The following KIF5C variants were observed in gnomAD, a reference collection of about 807,000 sequenced individuals.
KIF5C encodes the protein kinesin heavy chain isoform 5C.
In KIF5C, 18 loss-of-function variants were observed where a neutral mutation model predicts 125.2. That is an observed-to-expected ratio of 0.14 (90% CI 0.10 to 0.21). The LOEUF (loss-of-function observed/expected upper bound fraction) is 0.21. Ranked by LOEUF, KIF5C falls within the 10% of genes least tolerant of loss-of-function variation. The probability of loss-of-function intolerance (pLI) is 1.00; values close to 1 mark genes in which losing one functional copy is unlikely to be tolerated. For synonymous variants in KIF5C, 405 were observed against 434.0 expected (o/e 0.93, Z 0.83); for missense variants, 780 against 1,183.8 (o/e 0.66, Z 5.01).
chr2:148,934,403 C>G (rs984991034), intron 3 of KIF5C, among the ~76,000 whole-genome samples: 2 of 151,258 alleles, frequency 1.3e-5, no homozygotes, highest in African/African-American at 4.9e-5. Context: ...CATACACACA[C>G]AGACATACCA....
intron 11 of KIF5C, among the ~76,000 whole-genome samples, chr2:148,966,364 A>G (rs563058147): frequency 6.8e-5 from 10 of 147,616 alleles, no homozygotes; most frequent in South Asian, 2.1e-4. Flanking sequence ...GCGCGCGCGC[A>G]CACACACACA....
chr2:148,901,505 T>C (rs1435217549), intron 1 of KIF5C, among the ~76,000 whole-genome samples: 2 of 152,226 alleles, frequency 1.3e-5, no homozygotes, highest in African/African-American at 4.8e-5. Flanking sequence ...TACTTTTTGG[T>C]ATTTGAACTA....
chr2:149,015,563 A>T (rs1265127703), intron 25 of KIF5C, among the ~76,000 whole-genome samples: 1 of 152,228 alleles, frequency 6.6e-6, no homozygotes, highest in Non-Finnish European at 1.5e-5. Flanking sequence ...AATTATAGCC[A>T]TAATGAGTAT....
intron 19 of KIF5C, among the ~76,000 whole-genome samples, chr2:148,999,295 G>A (rs933690312): frequency 3.1e-5 from 4 of 130,644 alleles, no homozygotes; most frequent in Admixed American, 1.0e-4. Flanking sequence ...CCCGCTTTCT[G>A]TAGATGAAGA....
At position 148,875,575 on chromosome 2, in the gene KIF5C, G is replaced by GCCCCCCCCCCCACCCCCC; in HGVS notation, c.-37_-36insCCCCCACCCCCCCCCCCC. On this transcript the variant is annotated 5_prime_UTR_variant, in exon 1 of 26. Transcript: ENST00000435030. Reference sequence around the variant, plus strand: ...TCCTCCCTCGTCGTTCCCGGCCCCGGCCCCCCACCCATCCCCGTGCCCCCT... The same window carrying GCCCCCCCCCCCACCCCCC: ...TCCTCCCTCGTCGTTCCCGGCCCCGGCCCCCCCCCCCACCCCCCCCCCCCACCCATCCCCGTGCCCCCT... The GCCCCCCCCCCCACCCCCC allele has an allele frequency of 1.4e-6, 1 of 699,606 alleles. No individual in the cohort carries two copies. The highest frequency in any genetic ancestry group is 2.6e-6 in the Non-Finnish European group (1 of 389,230). 43.3% of individuals were successfully genotyped at this position (699,606 alleles called of 1,614,324 possible).
chr2:148,930,210 G>A (rs545208985), intron 3 of KIF5C, among the ~76,000 whole-genome samples: 51 of 152,264 alleles, frequency 3.3e-4, no homozygotes, highest in Admixed American at 9.8e-4. Context: ...GCTCCCTGAA[G>A]GCACTTCAGG....
intron 11 of KIF5C, 130 bp from the exon 12 acceptor site, chr2:148,973,206 A>G (rs1313599616): frequency 7.7e-7 from 1 of 1,304,960 alleles, no homozygotes; most frequent in African/African-American, 1.5e-5. Context: ...CACAAACTCT[A>G]CCCACACTAC....
intron 10 of KIF5C, among the ~76,000 whole-genome samples, chr2:148,960,419 A>G (rs908379546): frequency 6.6e-6 from 1 of 152,230 alleles, no homozygotes; most frequent in Non-Finnish European, 1.5e-5. Context: ...TTGTGCTTGC[A>G]TCTGAGAAGC....
chr2:148,879,544 G>A (rs1045769196), intron 1 of KIF5C: 5 of 147,024 alleles, frequency 3.4e-5, no homozygotes, highest in African/African-American at 5.0e-5. Flanking sequence ...TGAACTAGAA[G>A]TAGAGGGTGG....
intron 23 of KIF5C, 111 bp from the exon 24 acceptor site, chr2:149,010,024 A>G: frequency 6.9e-7 from 1 of 1,440,368 alleles, no homozygotes; most frequent in South Asian, 1.5e-5. Context: ...AGTGCCAAGG[A>G]CAACCTAGCA....
At chr2:148,948,990 G>A (rs1195268463) in intron 8 of KIF5C, among the ~76,000 whole-genome samples, 2 of 152,184 alleles carry the variant, frequency 1.3e-5, no homozygotes, top group African/African-American at 2.4e-5. Flanking sequence ...GTCATCAGGA[G>A]TTTCTCCTTT....
chr2:148,899,721 A>G (rs975657774), intron 1 of KIF5C, among the ~76,000 whole-genome samples: 13 of 151,882 alleles, frequency 8.6e-5, no homozygotes, highest in East Asian at 1.9e-4. Context: ...AAAAAAAAAA[A>G]AAAAGAAAAC....
chr2:149,004,147 T>C (rs572966930), intron 21 of KIF5C, among the ~76,000 whole-genome samples: 18 of 152,360 alleles, frequency 1.2e-4, no homozygotes, highest in African/African-American at 4.3e-4. Context: ...ATTTACCTCA[T>C]CCGAGGACAC....
chr2:148,999,178 T>C (rs1473973394), intron 19 of KIF5C, among the ~76,000 whole-genome samples: 2 of 152,342 alleles, frequency 1.3e-5, no homozygotes, highest in African/African-American at 4.8e-5. Flanking sequence ...AATAATGTTT[T>C]CAAATGCTCT....
At chr2:149,013,183 C>T (rs986538409) in intron 25 of KIF5C, among the ~76,000 whole-genome samples, 2 of 152,194 alleles carry the variant, frequency 1.3e-5, no homozygotes, top group African/African-American at 2.4e-5. Flanking sequence ...GAAGGTGGTA[C>T]ATCAGTAGTT....
chr2:148,950,454 C>T lies in KIF5C; in HGVS notation c.960C>T (p.Phe320=), dbSNP rs764512878. The T allele has an allele frequency of 4.0e-5, 65 of 1,613,234 alleles. 1 individual carries two copies. The Middle Eastern group carries it at 8.2e-4, about 20-fold the overall frequency. ...CTGAGACCAAGTCCACACTGATGTT[C>T]GGACAGAGGTACGTGTGGTCTCTCA... ...NEAETKSTLM[F]GQRAKTIKNT... The change falls in exon 10 of 26, where the codon TTC becomes TTT. Residue 320 remains phenylalanine (F), a synonymous_variant. Transcript: ENST00000435030.
At chr2:148,946,590 A>G (rs1322064255) in intron 7 of KIF5C, among the ~76,000 whole-genome samples, 2 of 152,160 alleles carry the variant, frequency 1.3e-5, no homozygotes, top group Non-Finnish European at 2.9e-5. Context: ...CTTCAAGGGG[A>G]AAGTCATGCT....
chr2:149,010,652 A>C (rs1193379094), intron 24 of KIF5C, among the ~76,000 whole-genome samples: 2 of 152,148 alleles, frequency 1.3e-5, no homozygotes, highest in Non-Finnish European at 2.9e-5. Flanking sequence ...AAATGGGTAC[A>C]CTCTTAGAAA....
chr2:148,902,765 T>C (rs1431514788), intron 1 of KIF5C, among the ~76,000 whole-genome samples: 1 of 152,230 alleles, frequency 6.6e-6, no homozygotes, highest in Admixed American at 6.5e-5. Context: ...GCATTTCACA[T>C]TGGTTATGTT....
Sources: allele counts gnomAD v4.1 joint callset (sites outside exome capture counted in the v4.1 genomes callset), GRCh38; gene constraint gnomAD v4.1.1; transcripts MANE v1.5; gene names NCBI Gene and HGNC (gene_info 2026-07-23, HGNC 2026-07-21).